The following NXPE2 variants were observed in gnomAD, a reference collection of about 807,000 sequenced individuals.
NXPE2 encodes the protein NXPE family member 2.
In NXPE2, 34 loss-of-function variants were observed where a neutral mutation model predicts 34.4. The observed-to-expected ratio is 0.99, with a 90% confidence interval of 0.75 to 1.31. NXPE2 has a LOEUF of 1.31. Among genes scored for constraint, NXPE2 ranks in the 40% most tolerant of loss-of-function variants. The probability of loss-of-function intolerance (pLI) is 0.00; values close to 1 mark genes in which losing one functional copy is unlikely to be tolerated. For synonymous variants in NXPE2, 235 were observed against 231.3 expected (o/e 1.02, Z -0.15); for missense variants, 649 against 672.5 (o/e 0.97, Z 0.39).
At chr11:114,527,957 G>A in the NXPE2 span, 9 of 1,321,894 alleles carry the variant, frequency 6.8e-6, no homozygotes, top group South Asian at 9.2e-5. Context: ...TGTAACACAG[G>A]TGAATCATCT....
the NXPE2 span, among the ~76,000 whole-genome samples, chr11:114,514,864 G>A: frequency 1.1e-4 from 16 of 151,772 alleles, no homozygotes; most frequent in Non-Finnish European, 2.1e-4. Flanking sequence ...ATTTATCTTT[G>A]TGTTCACATC....
At chr11:114,533,021 G>A in the NXPE2 span, among the ~76,000 whole-genome samples, 1 of 152,138 alleles carries the variant, frequency 6.6e-6, no homozygotes, top group African/African-American at 2.4e-5. Flanking sequence ...AAAAGTCAAG[G>A]AGGCAAGGAT....
chr11:114,743,710 A>T, the NXPE2 span, among the ~76,000 whole-genome samples: 8 of 151,978 alleles, frequency 5.3e-5, no homozygotes, highest in Non-Finnish European at 1.0e-4. Context: ...TTGCCGCCTT[A>T]TCTATTTTCC....
chr11:114,591,149 C>T, the NXPE2 span, among the ~76,000 whole-genome samples: 5 of 152,188 alleles, frequency 3.3e-5, no homozygotes, highest in South Asian at 1.0e-3. Flanking sequence ...CCAGTAGTCA[C>T]TCTGAATGAT....
the NXPE2 span, among the ~76,000 whole-genome samples, chr11:114,538,517 T>C: frequency 3.9e-5 from 6 of 152,148 alleles, no homozygotes; most frequent in Non-Finnish European, 8.8e-5. Flanking sequence ...AGAAAATTTT[T>C]GCAACCTACT....
chr11:114,732,971 G>T, the NXPE2 span, among the ~76,000 whole-genome samples: 1 of 152,044 alleles, frequency 6.6e-6, no homozygotes, highest in Non-Finnish European at 1.5e-5. Flanking sequence ...ATAACACTCT[G>T]AGGCTATTAC....
At chr11:114,691,767 G>A (rs746864875) in intron 2 of NXPE2, among the ~76,000 whole-genome samples, 3 of 152,190 alleles carry the variant, frequency 2.0e-5, no homozygotes, top group Non-Finnish European at 4.4e-5. Flanking sequence ...GGGGGGCTTT[G>A]GTGAGCTGTG....
chr11:114,681,760 C>A (rs376333584), intron 2 of NXPE2, among the ~76,000 whole-genome samples: 1 of 152,052 alleles, frequency 6.6e-6, no homozygotes, highest in Non-Finnish European at 1.5e-5. Context: ...CATATTTATA[C>A]AAATATAGCC....
chr11:114,771,682 C>A, the NXPE2 span, among the ~76,000 whole-genome samples: 1 of 152,174 alleles, frequency 6.6e-6, no homozygotes. Context: ...TCCACTATGG[C>A]CCCAAGGATG....
chr11:114,674,870 C>T (rs780418116), upstream of NXPE2, among the ~76,000 whole-genome samples: 2 of 151,642 alleles, frequency 1.3e-5, no homozygotes, highest in Non-Finnish European at 3.0e-5. Context: ...TATAGACTAT[C>T]ATCCCTAATG....
At chr11:114,464,383 C>G in the NXPE2 span, among the ~76,000 whole-genome samples, 1 of 152,160 alleles carries the variant, frequency 6.6e-6, no homozygotes, top group Non-Finnish European at 1.5e-5. Context: ...AAAATCATTA[C>G]TGACCATCCT....
At chr11:114,775,263 G>T in the NXPE2 span, among the ~76,000 whole-genome samples, 30 of 152,338 alleles carry the variant, frequency 2.0e-4, no homozygotes, top group South Asian at 4.8e-3. Context: ...AGGGTGAGAG[G>T]CTGGCCAGGG....
chr11:114,684,659 G>C (rs918629039), intron 2 of NXPE2, among the ~76,000 whole-genome samples: 1 of 152,068 alleles, frequency 6.6e-6, no homozygotes, highest in Non-Finnish European at 1.5e-5. Flanking sequence ...GGTAGGGGTG[G>C]GGAATAGGTG....
chr11:114,583,360 C>T, the NXPE2 span: 105 of 619,620 alleles, frequency 1.7e-4, no homozygotes, highest in Middle Eastern at 1.4e-3. Context: ...ACTGAATCTG[C>T]GTGACTCATA....
the NXPE2 span, among the ~76,000 whole-genome samples, chr11:114,641,195 A>C: frequency 6.6e-6 from 1 of 152,044 alleles, no homozygotes; most frequent in African/African-American, 2.4e-5. Context: ...GAAATAATCA[A>C]GAAGGAATAT....
chr11:114,670,782 T>G, the NXPE2 span, among the ~76,000 whole-genome samples: 1 of 151,930 alleles, frequency 6.6e-6, no homozygotes, highest in East Asian at 1.9e-4. Context: ...GCTATAATAT[T>G]TTATCTGAAA....
At chr11:114,639,791 T>C in the NXPE2 span, among the ~76,000 whole-genome samples, 2 of 124,596 alleles carry the variant, frequency 1.6e-5, no homozygotes, top group Non-Finnish European at 3.2e-5. Context: ...ATATAATATA[T>C]ATTATATTAA....
chr11:114,806,039 ATATCCGCTGT>A, the NXPE2 span, among the ~76,000 whole-genome samples: 1 of 152,148 alleles, frequency 6.6e-6, no homozygotes, highest in Admixed American at 6.6e-5. Context: ...CAGTTCACCA[ATATCCGCTGT>A]TCTGCAGCCA....
the NXPE2 span, among the ~76,000 whole-genome samples, chr11:114,524,225 C>G: frequency 6.6e-6 from 1 of 152,058 alleles, no homozygotes; most frequent in Non-Finnish European, 1.5e-5. Flanking sequence ...AAAACTTAGT[C>G]ATGGCCACAA....
Sources: gnomAD v4.1 joint callset for allele counts (sites outside exome capture counted in the v4.1 genomes callset) on GRCh38, gnomAD v4.1.1 for gene constraint, MANE v1.5 for transcripts, NCBI Gene and HGNC (gene_info 2026-07-23, HGNC 2026-07-21) for gene names.